The following NLN variants were observed in gnomAD, a reference collection of about 807,000 sequenced individuals.
The protein encoded by NLN is neurolysin, also known as neurolysin, mitochondrial.
NLN carries 64 observed loss-of-function variants against 79.9 expected under a neutral mutation model. That is an observed-to-expected ratio of 0.80 (90% confidence interval 0.65 to 0.99). The LOEUF (loss-of-function observed/expected upper bound fraction) is 0.99, where lower values mean the gene tolerates loss of function less well. Among genes scored for constraint, NLN ranks in the 50% least tolerant of loss-of-function variants. NLN has a pLI of 0.00. For missense variants in NLN, 835 were observed against 858.7 expected (o/e 0.97, Z 0.34); for synonymous variants, 267 against 296.6 (o/e 0.90, Z 1.02).
chr5:65,824,732 A>G lies in NLN; in HGVS notation c.*1817A>G, dbSNP rs1760880227. The G allele has an allele frequency of 6.6e-6, 1 of 152,238 alleles. No individual in the cohort carries two copies. Among genetic ancestry groups the G allele is most frequent in the Admixed American group, 6.5e-5 (1 of 15,280 alleles). 9.4% of individuals were successfully genotyped at this position (152,238 alleles called of 1,614,324 possible). On this transcript the variant is annotated 3_prime_UTR_variant, in exon 13 of 13. Transcript: ENST00000380985. ...TACTTTAACGTTAAAACCGAAATGC[A>G]TGAGAGCAAAAGCACCATGGTGTTC...
At chr5:65,730,455 T>C (rs925016692) in intron 1 of NLN, among the ~76,000 whole-genome samples, 4 of 152,086 alleles carry the variant, frequency 2.6e-5, no homozygotes, top group Admixed American at 6.6e-5. Flanking sequence ...AAAGAGACCA[T>C]TGTGACTAGC....
At position 65,823,846 on chromosome 5, in the gene NLN, A is replaced by G. The variant is rs928605366; in HGVS notation, c.*931A>G. ...GTAGAGAGCCATGGGAAGAGAGAGGAGGTGGATGTGGAACATAAAGGGTTC... is the reference window on the plus strand; with the variant it reads ...GTAGAGAGCCATGGGAAGAGAGAGGGGGTGGATGTGGAACATAAAGGGTTC... On this transcript the variant is annotated 3_prime_UTR_variant, in exon 13 of 13. Transcript: ENST00000380985. 6.6e-6 allele frequency: 1 copy of G among 152,180 alleles called. No homozygotes were observed. The highest frequency in any genetic ancestry group is 6.6e-5 in the Admixed American group (1 of 15,266). The allele number at this position is 152,180 out of a possible 1,614,324, so 9.4% of individuals were successfully genotyped here. A position where few individuals can be genotyped will look rare whatever the true frequency, so the allele number is the denominator to read the frequency against.
intron 3 of NLN, among the ~76,000 whole-genome samples, chr5:65,772,491 G>C (rs1021252990): frequency 6.6e-6 from 1 of 152,188 alleles, no homozygotes; most frequent in African/African-American, 2.4e-5. Flanking sequence ...AGTGCTGGCT[G>C]TATCCCCCTA....
At chr5:65,811,514 A>T (rs1178188121) in intron 11 of NLN, among the ~76,000 whole-genome samples, 1 of 151,596 alleles carries the variant, frequency 6.6e-6, no homozygotes, top group Non-Finnish European at 1.5e-5. Context: ...GGTAGATTGA[A>T]TTGGTGAAAA....
chr5:65,742,885 A>G (rs1490621507), intron 1 of NLN, among the ~76,000 whole-genome samples: 2 of 152,104 alleles, frequency 1.3e-5, no homozygotes, highest in African/African-American at 4.8e-5. Flanking sequence ...TGATTGCTTT[A>G]TTATTTGCTT....
chr5:65,799,223 T>C (rs1442366820), intron 9 of NLN, among the ~76,000 whole-genome samples: 1 of 152,196 alleles, frequency 6.6e-6, no homozygotes, highest in Non-Finnish European at 1.5e-5. Flanking sequence ...ACTATGTGTC[T>C]GACATGTCAT....
chr5:65,766,580 A>G (rs1485639835), intron 3 of NLN, among the ~76,000 whole-genome samples: 1 of 152,030 alleles, frequency 6.6e-6, no homozygotes, highest in Non-Finnish European at 1.5e-5. Flanking sequence ...CTTTCATCAC[A>G]CCCCCAGCCC....
intron 6 of NLN, among the ~76,000 whole-genome samples, chr5:65,782,867 A>G (rs1759829129): frequency 6.6e-6 from 1 of 152,236 alleles, no homozygotes; most frequent in Admixed American, 6.5e-5. Context: ...CTCAGTAGGT[A>G]CATGGCCTGC....
Position 65,752,456 on chromosome 5 carries a change from GCTCATGC to G in NLN, c.42-6109_42-6103del, listed in dbSNP as rs1272037353. 2.0e-5 allele frequency among the ~76,000 whole-genome samples: 3 copies of G among 152,166 alleles called. No individual in the cohort carries two copies. The East Asian group carries it at 5.8e-4, about 29-fold the overall frequency. On this transcript the variant is annotated intron_variant, in intron 1 of 12. Transcript: ENST00000380985. ...TAATAACTGCTGTAGGAAAAGACAG[GCTCATGC>G]CGTTTGTCTGCTTTTGACTTATGTA...
chr5:65,768,246 A>G (rs1342363270), intron 3 of NLN, among the ~76,000 whole-genome samples: 1 of 152,198 alleles, frequency 6.6e-6, no homozygotes, highest in Non-Finnish European at 1.5e-5. Flanking sequence ...ATTTATAAAG[A>G]AAGAGGTTTA....
At chr5:65,799,276 A>G (rs181595598) in intron 9 of NLN, among the ~76,000 whole-genome samples, 303 of 152,372 alleles carry the variant, frequency 2.0e-3, no homozygotes, top group Admixed American at 3.5e-3. Flanking sequence ...GAAAAGTTAT[A>G]GTATCTTGAA....
intron 9 of NLN, among the ~76,000 whole-genome samples, chr5:65,800,047 C>G (rs1043115502): frequency 4.6e-5 from 7 of 152,202 alleles, no homozygotes; most frequent in Admixed American, 3.9e-4. Flanking sequence ...CAGCCAATGT[C>G]AGGTCTCCTG....
chr5:65,772,734 ATT>A (rs755088317), intron 3 of NLN, among the ~76,000 whole-genome samples: 1 of 133,122 alleles, frequency 7.5e-6, no homozygotes, highest in Admixed American at 7.5e-5. Context: ...TTTGTTTTTC[ATT>A]TTTTTTTTTT....
intron 3 of NLN, among the ~76,000 whole-genome samples, chr5:65,775,337 A>G (rs1291472509): frequency 6.6e-6 from 1 of 152,162 alleles, no homozygotes; most frequent in East Asian, 1.9e-4. Context: ...TCATGGCCAA[A>G]TGTGGCCCAG....
intron 1 of NLN, among the ~76,000 whole-genome samples, chr5:65,757,918 G>A (rs75094812): frequency 6.6e-6 from 1 of 152,014 alleles, no homozygotes; most frequent in Non-Finnish European, 1.5e-5. Context: ...GTGAAAGTTA[G>A]CATTGGAAAA....
At chr5:65,766,852 C>G (rs1561193072) in intron 3 of NLN, among the ~76,000 whole-genome samples, 2 of 152,202 alleles carry the variant, frequency 1.3e-5, no homozygotes, top group African/African-American at 4.8e-5. Flanking sequence ...GCCACAGGCC[C>G]TATGCAAGTC....
intron 9 of NLN, among the ~76,000 whole-genome samples, chr5:65,804,687 C>T (rs1760368960): frequency 1.3e-5 from 2 of 152,060 alleles, no homozygotes; most frequent in African/African-American, 4.8e-5. Context: ...TACCACCACA[C>T]CCAGCTAATT....
intron 11 of NLN, among the ~76,000 whole-genome samples, chr5:65,810,498 G>A (rs1309227267): frequency 2.0e-5 from 3 of 152,174 alleles, no homozygotes. Flanking sequence ...TGATTTTCAG[G>A]AAGAAATTGG....
intron 3 of NLN, among the ~76,000 whole-genome samples, chr5:65,770,165 C>T (rs1480428080): frequency 6.6e-6 from 1 of 152,142 alleles, no homozygotes. Context: ...TATTAAGACG[C>T]AGAAACTGCT....
Sources: allele counts gnomAD v4.1 joint callset (sites outside exome capture counted in the v4.1 genomes callset), GRCh38; gene constraint gnomAD v4.1.1; transcripts MANE v1.5; gene names NCBI Gene and HGNC (gene_info 2026-07-23, HGNC 2026-07-21).